The following EHMT1 variants were observed in gnomAD, a reference collection of about 807,000 sequenced individuals.
EHMT1 encodes histone-lysine N-methyltransferase EHMT1.
A neutral mutation model predicts 147.2 loss-of-function variants in EHMT1; 15 were observed. The observed-to-expected ratio is 0.10, with a 90% CI of 0.07 to 0.16. EHMT1 has a LOEUF of 0.16. Among genes scored for constraint, EHMT1 ranks in the 10% least tolerant of loss-of-function variants. EHMT1 has a pLI of 1.00. For missense variants in EHMT1, 1,587 were observed against 1,772.4 expected (o/e 0.90, Z 1.88); for synonymous variants, 795 against 709.6 (o/e 1.12, Z -1.91).
intron 1 of EHMT1, among the ~76,000 whole-genome samples, chr9:137,629,550 T>C (rs1238850850): frequency 6.6e-6 from 1 of 152,064 alleles, no homozygotes; most frequent in African/African-American, 2.4e-5. Flanking sequence ...CCCACCACCA[T>C]GCCTAGCTAA....
chr9:137,639,830 G>A (rs1215738046), intron 1 of EHMT1, among the ~76,000 whole-genome samples: 1 of 152,134 alleles, frequency 6.6e-6, no homozygotes, highest in Non-Finnish European at 1.5e-5. Flanking sequence ...AGACTGCAAG[G>A]ATGTCTGTTG....
chr9:137,626,932 A>T (rs1172461385), intron 1 of EHMT1, among the ~76,000 whole-genome samples: 1 of 151,578 alleles, frequency 6.6e-6, no homozygotes, highest in African/African-American at 2.4e-5. Flanking sequence ...ACAGGCGTGC[A>T]CTACCACACC....
rs538924460 is a variant in EHMT1 at position 137,805,192 on chromosome 9, CGT to C, written c.2712+4212_2712+4213del. ...CATTCGTCCACGTGTGAGTCGTCCA[CGT>C]GTGAGTCATCTGCATGTCTGTCAGT... is the stretch of plus-strand genomic sequence containing the variant. On this transcript the variant is annotated intron_variant, in intron 18 of 26. Coordinates refer to ENST00000460843, the MANE Select transcript of EHMT1 (RefSeq NM_024757.5). Among the ~76,000 whole-genome samples the C allele has an allele frequency of 6.0e-5, 9 of 150,586 alleles. No individual in the cohort carries two copies. In the East Asian group the frequency reaches 9.8e-4, roughly 16 times the overall value.
chr9:137,713,430 C>T (rs1019038437), intron 2 of EHMT1, among the ~76,000 whole-genome samples: 6 of 151,498 alleles, frequency 4.0e-5, no homozygotes, highest in African/African-American at 7.3e-5. Flanking sequence ...CCACCATGCC[C>T]GGCTAATTTT....
In EHMT1 at chr9:137,716,632, C is replaced by T. The variant is rs769561363; in HGVS notation, c.92C>T (p.Pro31Leu). 131 of 1,565,852 alleles carry T rather than the reference C, an allele frequency of 8.4e-5. No homozygotes were observed. The highest frequency in any genetic ancestry group is 1.0e-4 in the Non-Finnish European group (121 of 1,154,134). ...CTCGTTTCTTTGTTGGCAGAGACAC[C>T]TATGGCTGCCGATGAAGGCTCAGCA... The part of the protein sequence containing the change: ...VKTELLGEET[P>L]MAADEGSAEK... Residue 31 changes from proline (P) to leucine (L), a missense_variant, in exon 3 of 27, where the codon CCT becomes CTT. Coordinates refer to ENST00000460843, the MANE Select transcript of EHMT1 (RefSeq NM_024757.5).
At chr9:137,711,901 C>T (rs924617280) in intron 2 of EHMT1, among the ~76,000 whole-genome samples, 16 of 152,226 alleles carry the variant, frequency 1.1e-4, no homozygotes, top group Non-Finnish European at 1.5e-4. Context: ...CCAGACAGCG[C>T]GCAAGGCCTG....
At chr9:137,751,207 G>A (rs1267339087) in intron 6 of EHMT1, among the ~76,000 whole-genome samples, 5 of 152,182 alleles carry the variant, frequency 3.3e-5, no homozygotes, top group Admixed American at 6.5e-5. Flanking sequence ...AAATGAGGAC[G>A]TTCTTCTAGT....
intron 4 of EHMT1, among the ~76,000 whole-genome samples, chr9:137,729,386 A>G (rs925669923): frequency 1.3e-5 from 2 of 152,192 alleles, no homozygotes; most frequent in Non-Finnish European, 2.9e-5. Flanking sequence ...CAGGAGATCG[A>G]GACCATCCTG....
intron 2 of EHMT1, among the ~76,000 whole-genome samples, chr9:137,711,951 TC>T (rs1487298461): frequency 6.6e-6 from 1 of 152,160 alleles, no homozygotes; most frequent in Non-Finnish European, 1.5e-5. Context: ...TGCCGTGTTC[TC>T]CTTTCACCCT....
At chr9:137,817,653 G>T in intron 24 of EHMT1, 128 bp downstream of exon 24, 1 of 1,220,646 alleles carries the variant, frequency 8.2e-7, no homozygotes, top group Admixed American at 1.9e-5. Context: ...TGGGGTGGGG[G>T]CCACAGAGAC....
chr9:137,817,782 G>T, intron 24 of EHMT1: 1 of 626,988 alleles, frequency 1.6e-6, no homozygotes. Context: ...CAGTTAGGAA[G>T]GCGTGGTCCA....
At chr9:137,753,684 A>G (rs1282868708) in intron 7 of EHMT1, among the ~76,000 whole-genome samples, 1 of 152,216 alleles carries the variant, frequency 6.6e-6, no homozygotes, top group Non-Finnish European at 1.5e-5. Context: ...CCCTTGCTGC[A>G]TCCGGATTTT....
chr9:137,691,050 T>C (rs1017562300), intron 1 of EHMT1, among the ~76,000 whole-genome samples: 1 of 152,120 alleles, frequency 6.6e-6, no homozygotes, highest in Admixed American at 6.5e-5. Flanking sequence ...TCCAGAACTT[T>C]TTCATCATTT....
chr9:137,809,806 G>T (rs117340399), intron 18 of EHMT1, among the ~76,000 whole-genome samples: 2,098 of 152,396 alleles, frequency 0.014, 26 homozygotes, highest in Non-Finnish European at 0.023. Flanking sequence ...GTAAAGGAAA[G>T]GTCCGGAAGC....
intron 2 of EHMT1, among the ~76,000 whole-genome samples, chr9:137,713,693 T>C (rs1944949183): frequency 6.6e-6 from 1 of 151,736 alleles, no homozygotes; most frequent in Admixed American, 6.6e-5. Flanking sequence ...CTCATGCCTG[T>C]AATCCCAGCA....
chr9:137,625,093 G>A (rs141076211), intron 1 of EHMT1, among the ~76,000 whole-genome samples: 4 of 151,570 alleles, frequency 2.6e-5, no homozygotes, highest in African/African-American at 9.7e-5. Flanking sequence ...TATTGGCTGG[G>A]CTGGTCTAAA....
At chr9:137,677,574 C>T (rs1941486767) in intron 1 of EHMT1, among the ~76,000 whole-genome samples, 1 of 151,826 alleles carries the variant, frequency 6.6e-6, no homozygotes, top group African/African-American at 2.4e-5. Flanking sequence ...TATAGGCGCC[C>T]GCCACCACGC....
Position 137,813,176 on chromosome 9 carries a change from G to T in EHMT1, c.3035+3G>T. The T allele has an allele frequency of 6.2e-7, 1 of 1,608,424 alleles. No individual in the cohort carries two copies. Among genetic ancestry groups the T allele is most frequent in the Non-Finnish European group, 8.5e-7 (1 of 1,179,914 alleles). On this transcript the variant is annotated splice_donor_region_variant and intron_variant, in intron 20 of 26. Coordinates refer to ENST00000460843, the MANE Select transcript of EHMT1 (RefSeq NM_024757.5). This position sits in a 1 kb window ranked among gnomAD's most constrained non-coding sequence, Gnocchi z 4.9. Reference sequence around the variant, plus strand: ...CCCGTGGAGAGGATAGTGAGCAGGTGAGCCCAGCCCCAGGACGGCTTTGTG... The same window carrying T: ...CCCGTGGAGAGGATAGTGAGCAGGTTAGCCCAGCCCCAGGACGGCTTTGTG...
intron 25 of EHMT1, among the ~76,000 whole-genome samples, chr9:137,827,682 C>T (rs1955903433): frequency 6.6e-6 from 1 of 152,214 alleles, no homozygotes; most frequent in East Asian, 1.9e-4. Context: ...CCCTCCACTG[C>T]TGTCACAATT....
Sources: allele counts gnomAD v4.1 joint callset (sites outside exome capture counted in the v4.1 genomes callset), GRCh38; gene constraint gnomAD v4.1.1; non-coding constraint Gnocchi (gnomAD v3.1); transcripts MANE v1.5; gene names NCBI Gene and HGNC (gene_info 2026-07-23, HGNC 2026-07-21).